The following RCBTB2 variants were observed in gnomAD, a reference collection of about 807,000 sequenced individuals.
RCBTB2 encodes RCC1 and BTB domain-containing protein 2.
RCBTB2 carries 55 observed loss-of-function variants against 65.4 expected under a neutral mutation model. That is an observed-to-expected ratio of 0.84 (90% confidence interval 0.68 to 1.05). The LOEUF (loss-of-function observed/expected upper bound fraction) is 1.05, where lower values mean the gene tolerates loss of function less well. Among genes scored for constraint, RCBTB2 ranks in the 50% least tolerant of loss-of-function variants. The pLI is 0.00. For synonymous variants in RCBTB2, 220 were observed against 255.2 expected (o/e 0.86, Z 1.31); for missense variants, 599 against 680.1 (o/e 0.88, Z 1.33).
At chr13:48,520,905 T>C (rs965485971) in intron 4 of RCBTB2, among the ~76,000 whole-genome samples, 4 of 151,014 alleles carry the variant, frequency 2.6e-5, no homozygotes, top group East Asian at 1.9e-4. Context: ...TAACACTTCA[T>C]ATATATTCAT....
Position 48,510,724 on chromosome 13 carries a change from T to G in RCBTB2, c.831A>C (p.Gln277His). 6.2e-7 allele frequency: 1 copy of G among 1,614,174 alleles called. No homozygotes were observed. The highest frequency in any genetic ancestry group is 1.1e-5 in the South Asian group (1 of 91,082). The change falls in exon 10 of 15, where the codon CAA becomes CAC. Residue 277 changes from glutamine to histidine, a missense_variant. Transcript: ENST00000344532. ...AAGAATTGGCGCCCCAAGCATACAC[T>G]TGGCCTTCATCTGTTAATACTAATG... ...AHTLVLTDEG[Q>H]VYAWGANSYG...
rs1949969526 is a variant in RCBTB2, at chr13:48,496,334, G to C, written c.1385-13C>G. ...AAGTCTAGCAGTCCTGGCGGAAAGA[G>C]GTGTTTATTAGGGGGAGTGATTTCA... On this transcript the variant is annotated splice_polypyrimidine_tract_variant and intron_variant, in intron 13 of 14. Coordinates refer to ENST00000344532, the MANE Select transcript of RCBTB2 (RefSeq NM_001268.4). 1.9e-6 allele frequency: 3 copies of C among 1,538,574 alleles called. No homozygotes were observed. The highest frequency in any genetic ancestry group is 2.6e-6 in the Non-Finnish European group (3 of 1,142,266).
intron 14 of RCBTB2, chr13:48,492,411 C>T (rs1000324781): frequency 1.3e-5 from 2 of 152,244 alleles, no homozygotes; most frequent in African/African-American, 2.4e-5. Context: ...TTCCATTTCC[C>T]ACATCTTAAA....
Position 48,512,294 on chromosome 13 carries a change from C to T in RCBTB2, c.517-120G>A, listed in dbSNP as rs550470314. The stretch of plus-strand genomic sequence containing the variant: ...TCAAAGTGCTTCACATTCATAAATC[C>T]TCACAACACAGGCAGAGAAGTGTTT... On this transcript the variant is annotated intron_variant, in intron 7 of 14. Coordinates refer to ENST00000344532, the MANE Select transcript of RCBTB2 (RefSeq NM_001268.4). 6.3e-6 allele frequency: 5 copies of T among 789,204 alleles called. No homozygotes were observed. The East Asian group carries it at 1.3e-4, about 20-fold the overall frequency. 48.9% of individuals were successfully genotyped at this position (789,204 alleles called of 1,614,324 possible).
chr13:48,509,812 G>C, intron 10 of RCBTB2, among the ~76,000 whole-genome samples: 1 of 152,086 alleles, frequency 6.6e-6, no homozygotes, highest in Non-Finnish European at 1.5e-5. Flanking sequence ...GAAAAGAACT[G>C]CATATAAATG....
At chr13:48,525,373 GAT>G (rs59350616) in intron 1 of RCBTB2, among the ~76,000 whole-genome samples, 3,123 of 53,656 alleles carry the variant, frequency 0.058, 52 homozygotes, top group East Asian at 0.087. Flanking sequence ...AAGGATTCAT[GAT>G]ATATATATAT....
At chr13:48,505,645 G>A (rs1013611105) in intron 10 of RCBTB2, among the ~76,000 whole-genome samples, 2 of 152,174 alleles carry the variant, frequency 1.3e-5, no homozygotes, top group African/African-American at 4.8e-5. Flanking sequence ...TGAGGATAGC[G>A]ACATGGTCTG....
Position 48,512,811 on chromosome 13 carries a change from A to G in RCBTB2, c.434T>C (p.Ile145Thr). 1 of 1,614,020 alleles carries G rather than the reference A, an allele frequency of 6.2e-7. No individual in the cohort carries two copies. Among genetic ancestry groups the G allele is most frequent in the Non-Finnish European group, 8.5e-7 (1 of 1,179,900 alleles). ...TTGTTTGTTTGACAGATTAGTAGAGATATGACAGGGCACTAAACCATGATT... is the reference window on the plus strand; with the variant it reads ...TTGTTTGTTTGACAGATTAGTAGAGGTATGACAGGGCACTAAACCATGATT... Reference protein sequence around the residue: ...TTNHGLVPCHISTNLSNKQVI... With the variant: ...TTNHGLVPCHTSTNLSNKQVI... The change falls in exon 7 of 15, where the codon ATC (isoleucine) becomes ACC (threonine). Residue 145 changes from isoleucine (I) to threonine (T), a missense_variant. Transcript: ENST00000344532.
intron 4 of RCBTB2, among the ~76,000 whole-genome samples, chr13:48,517,304 A>G (rs1951146136): frequency 6.6e-6 from 1 of 152,240 alleles, no homozygotes; most frequent in Admixed American, 6.5e-5. Context: ...GTGTTGGTTA[A>G]TGAACAAGTA....
intron 14 of RCBTB2, among the ~76,000 whole-genome samples, chr13:48,493,311 A>ACTCCCTCT (rs773819158): frequency 1.7e-5 from 1 of 57,338 alleles, no homozygotes; most frequent in African/African-American, 6.3e-5. Context: ...ACACACACAC[A>ACTCCCTCT]CACACTCTCT....
intron 6 of RCBTB2, 124 bp downstream of exon 6, chr13:48,515,081 G>A (rs1951007859): frequency 4.5e-6 from 4 of 890,552 alleles, no homozygotes; most frequent in African/African-American, 3.4e-5. Context: ...ATACATTCAT[G>A]TTTTATGGTA....
At chr13:48,533,922 T>C (rs1233899011), upstream of RCBTB2, among the ~76,000 whole-genome samples, 2 of 152,210 alleles carry the variant, frequency 1.3e-5, no homozygotes, top group East Asian at 1.9e-4. Context: ...TCCTCTACAG[T>C]GTAGAGCCAA....
At position 48,510,646 on chromosome 13, in the gene RCBTB2, G is replaced by A. The variant is rs200525433; in HGVS notation, c.909C>T (p.Val303=). The A allele has an allele frequency of 6.2e-7, 1 of 1,614,168 alleles. No homozygotes were observed. The highest frequency in any genetic ancestry group is 2.2e-5 in the East Asian group (1 of 44,888). ...CGTGTTACCTGTCCTTTTCCACAGTGACAGGAGTAGGATAGGACTGGTTGC... is the reference window on the plus strand; with the variant it reads ...CGTGTTACCTGTCCTTTTCCACAGTAACAGGAGTAGGATAGGACTGGTTGC... ...NKSNQSYPTP[V]TVEKDRIIEI... Residue 303 remains valine (V), a synonymous_variant, in exon 10 of 15, where the codon GTC becomes GTT. Coordinates refer to ENST00000344532, the MANE Select transcript of RCBTB2 (RefSeq NM_001268.4).
At chr13:48,490,695 A>C (rs1593565093) in intron 14 of RCBTB2, among the ~76,000 whole-genome samples, 1 of 152,360 alleles carries the variant, frequency 6.6e-6, no homozygotes, top group African/African-American at 2.4e-5. Flanking sequence ...TAAGCCATAA[A>C]AAGCAGTAAT....
upstream of RCBTB2, chr13:48,535,681 A>G: frequency 2.2e-6 from 1 of 456,578 alleles, no homozygotes; most frequent in Non-Finnish European, 4.4e-6. Flanking sequence ...CCATTATCTC[A>G]CCTGAACTAT....
chr13:48,533,013 C>A lies in RCBTB2; in HGVS notation c.-219+15G>T, dbSNP rs1437845937. 2.2e-6 allele frequency: 1 copy of A among 455,684 alleles called. No homozygotes were observed. Among genetic ancestry groups the A allele is most frequent in the South Asian group, 1.5e-5 (1 of 64,568 alleles). 28.2% of individuals were successfully genotyped at this position (455,684 alleles called of 1,614,324 possible). On this transcript the variant is annotated intron_variant, in intron 1 of 14. Coordinates refer to ENST00000344532, the MANE Select transcript of RCBTB2 (RefSeq NM_001268.4). ...ATCCCCCTCGGCCTCCCACACCACT[C>A]CTCCACCCTCTTACCTCCTCGCAGG...
At position 48,496,261 on chromosome 13, in the gene RCBTB2, G is replaced by T. The variant is rs768904924; in HGVS notation, c.1445C>A (p.Thr482Asn). 2.5e-6 allele frequency: 4 copies of T among 1,595,164 alleles called. No homozygotes were observed. In the South Asian group the frequency reaches 3.4e-5, roughly 13 times the overall value. The stretch of plus-strand genomic sequence containing the variant: ...CTCCTCGCAGATGCCTTGCTTGATA[G>T]TTTGTTGGCAGAGCTTTTTCAAACG... ...ENRLKKLCQQ[T>N]IKQGICEENA... Residue 482 changes from threonine (T) to asparagine (N), a missense_variant, in exon 14 of 15, where the codon ACT becomes AAT. By Grantham distance (65) the Thr-to-Asn change is moderately conservative. Transcript: ENST00000344532.
At chr13:48,518,121 C>G (rs1951196573) in intron 4 of RCBTB2, among the ~76,000 whole-genome samples, 3 of 152,204 alleles carry the variant, frequency 2.0e-5, no homozygotes, top group Admixed American at 2.0e-4. Flanking sequence ...GCCTTGATTT[C>G]AGACTTCTAG....
chr13:48,521,778 G>A, intron 4 of RCBTB2, 120 bp downstream of exon 4: 3 of 883,152 alleles, frequency 3.4e-6, no homozygotes, highest in Non-Finnish European at 5.5e-6. Context: ...ATTACACTGT[G>A]AGCCCCTCAA....
Sources: allele counts gnomAD v4.1 joint callset (sites outside exome capture counted in the v4.1 genomes callset), GRCh38; gene constraint gnomAD v4.1.1; transcripts MANE v1.5; gene names NCBI Gene and HGNC (gene_info 2026-07-23, HGNC 2026-07-21).